The following EXPH5 variants were observed in gnomAD, a reference collection of about 807,000 sequenced individuals.
EXPH5 encodes the protein exophilin-5.
Under a neutral mutation model 41.1 loss-of-function variants are expected in EXPH5, and 42 were observed. That is an observed-to-expected ratio of 1.02 (90% CI 0.80 to 1.32). EXPH5 has a LOEUF of 1.32. Ranked by LOEUF, EXPH5 falls within the 40% of genes most tolerant of loss-of-function variation. EXPH5 has a pLI of 0.00. For missense variants in EXPH5, 2,298 were observed against 2,314.5 expected (o/e 0.99, Z 0.15); for synonymous variants, 798 against 833.5 (o/e 0.96, Z 0.73).
intron 4 of EXPH5, among the ~76,000 whole-genome samples, chr11:108,522,639 C>A (rs1342029396): frequency 6.6e-6 from 1 of 152,140 alleles, no homozygotes; most frequent in Non-Finnish European, 1.5e-5. Context: ...AAACACAGGT[C>A]ATAGAGCTTC....
chr11:108,551,419 CA>C (rs2136057478), intron 1 of EXPH5, among the ~76,000 whole-genome samples: 1 of 152,292 alleles, frequency 6.6e-6, no homozygotes, highest in Admixed American at 6.5e-5. Context: ...AGAAAAATCT[CA>C]AATGTTTCTC....
At chr11:108,586,171 A>G (rs1312798124) in intron 1 of EXPH5, among the ~76,000 whole-genome samples, 1 of 151,902 alleles carries the variant, frequency 6.6e-6, no homozygotes, top group African/African-American at 2.4e-5. Flanking sequence ...CCTGGCCAAC[A>G]TGGCGAAACC....
Position 108,513,629 on chromosome 11 carries a change from T to G in EXPH5, c.1878A>C (p.Ser626=). The change falls in exon 6 of 6, where the codon TCA becomes TCC. Residue 626 remains serine (S), a synonymous_variant. Transcript: ENST00000265843. ...SFGIAQTLAS[S]FKTSFSQISD... is the part of the protein sequence containing the mutation. ...AAATCTGGGAAAAGGAAGTTTTGAA[T>G]GAGGATGCTAGAGTCTGAGCAATTC... 6.2e-7 allele frequency: 1 copy of G among 1,612,972 alleles called. No individual in the cohort carries two copies. The highest frequency in any genetic ancestry group is 8.5e-7 in the Non-Finnish European group (1 of 1,179,532).
chr11:108,547,392 TAC>T (rs915868638), intron 1 of EXPH5, among the ~76,000 whole-genome samples: 6 of 152,156 alleles, frequency 3.9e-5, no homozygotes, highest in African/African-American at 1.4e-4. Flanking sequence ...TGGAGATCTC[TAC>T]AAAAGTAGAG....
At chr11:108,560,565 A>T (rs1193584380) in intron 1 of EXPH5, among the ~76,000 whole-genome samples, 4 of 152,230 alleles carry the variant, frequency 2.6e-5, no homozygotes, top group African/African-American at 9.7e-5. Context: ...CATTAGAATG[A>T]TTATTCTGCC....
chr11:108,600,982 A>C, the EXPH5 span, among the ~76,000 whole-genome samples: 1 of 152,218 alleles, frequency 6.6e-6, no homozygotes, highest in African/African-American at 2.4e-5. Flanking sequence ...TGCCTTAAGA[A>C]GCATGCTAAG....
chr11:108,599,936 T>G, the EXPH5 span, among the ~76,000 whole-genome samples: 106 of 152,328 alleles, frequency 7.0e-4, 3 homozygotes, highest in African/African-American at 2.4e-3. Context: ...ACTCACTTCT[T>G]CATAAGCAAA....
intron 1 of EXPH5, among the ~76,000 whole-genome samples, chr11:108,577,077 T>C (rs2094082259): frequency 6.6e-6 from 1 of 152,262 alleles, no homozygotes; most frequent in Non-Finnish European, 1.5e-5. Flanking sequence ...TCCTTTTCTA[T>C]GGCTGAATAA....
upstream of EXPH5, among the ~76,000 whole-genome samples, chr11:108,596,485 A>G (rs1213760269): frequency 1.3e-5 from 2 of 152,218 alleles, no homozygotes; most frequent in Non-Finnish European, 2.9e-5. Context: ...TGATAGTATG[A>G]GAAACAAGGT....
rs761097890 is a variant in EXPH5 at position 108,593,425 on chromosome 11, T to C, written c.112A>G (p.Arg38Gly). 3.1e-6 allele frequency: 5 copies of C among 1,613,392 alleles called. No homozygotes were observed. Among genetic ancestry groups the C allele is most frequent in the Non-Finnish European group, 4.2e-6 (5 of 1,179,368 alleles). ...AATGAATTTGCTCTGTACCTGATCC[T>C]GTCCTTCTCGGCCCTCTGTAACTCC... The part of the protein sequence containing the change: ...NEELQRAEKD[R>G]ISKLQKTKRD... Residue 38 changes from arginine (R) to glycine (G), a missense_variant, in exon 1 of 6, where the codon AGG (arginine) becomes GGG (glycine). Coordinates refer to ENST00000265843, the MANE Select transcript of EXPH5 (RefSeq NM_015065.3).
At chr11:108,585,454 C>T (rs2094110387) in intron 1 of EXPH5, among the ~76,000 whole-genome samples, 2 of 152,122 alleles carry the variant, frequency 1.3e-5, no homozygotes, top group African/African-American at 4.8e-5. Context: ...CTTTTTGCCC[C>T]TTCTACCATG....
At position 108,510,475 on chromosome 11, in the gene EXPH5, G is replaced by A. The variant is rs1166133667; in HGVS notation, c.5032C>T (p.Leu1678=). 4.3e-6 allele frequency: 7 copies of A among 1,614,158 alleles called. No individual in the cohort carries two copies. Among genetic ancestry groups the A allele is most frequent in the Non-Finnish European group, 5.9e-6 (7 of 1,180,034 alleles). Residue 1678 remains leucine (L), a synonymous_variant, in exon 6 of 6, where the codon CTA becomes TTA. Coordinates refer to ENST00000265843, the MANE Select transcript of EXPH5 (RefSeq NM_015065.3). Reference sequence around the variant, plus strand: ...TGTGTAGAAGGTTCTCTGTTGGGTAGTACAGTAATGGGGAGAAGGTTCTCG... The same window carrying A: ...TGTGTAGAAGGTTCTCTGTTGGGTAATACAGTAATGGGGAGAAGGTTCTCG... ...KSENLLPITV[L]PNREPSTHVS... is the part of the protein sequence containing the mutation.
chr11:108,527,115 T>C (rs1276334977), intron 4 of EXPH5, among the ~76,000 whole-genome samples: 1 of 151,306 alleles, frequency 6.6e-6, no homozygotes, highest in Non-Finnish European at 1.5e-5. Flanking sequence ...AGGCCAGGAG[T>C]TCAAAACCAG....
intron 1 of EXPH5, among the ~76,000 whole-genome samples, chr11:108,571,349 G>A (rs781501613): frequency 1.6e-4 from 24 of 152,318 alleles, no homozygotes; most frequent in Middle Eastern, 3.4e-3. Context: ...GTGAGGAGGG[G>A]TGTTGCTGAG....
At chr11:108,524,894 G>A (rs2093787906) in intron 4 of EXPH5, among the ~76,000 whole-genome samples, 1 of 152,168 alleles carries the variant, frequency 6.6e-6, no homozygotes, top group Non-Finnish European at 1.5e-5. Flanking sequence ...GGGATACACA[G>A]CCTGATATGG....
intron 3 of EXPH5, among the ~76,000 whole-genome samples, chr11:108,536,703 AATG>A (rs1262308467): frequency 3.3e-5 from 5 of 152,316 alleles, no homozygotes; most frequent in African/African-American, 9.6e-5. Context: ...AATCTGGTGA[AATG>A]ATGAAGTCCA....
intron 3 of EXPH5, among the ~76,000 whole-genome samples, chr11:108,532,950 G>A (rs949588691): frequency 1.3e-5 from 2 of 152,100 alleles, no homozygotes; most frequent in Admixed American, 1.3e-4. Flanking sequence ...CTTCCTTCTT[G>A]TTGTCCTCAC....
At chr11:108,536,532 C>T (rs561740657) in intron 3 of EXPH5, among the ~76,000 whole-genome samples, 9 of 152,116 alleles carry the variant, frequency 5.9e-5, no homozygotes, top group Admixed American at 1.3e-4. Context: ...CCCAAAGTGC[C>T]GGGATTACAG....
chr11:108,579,678 G>T (rs2094091707), intron 1 of EXPH5, among the ~76,000 whole-genome samples: 1 of 152,140 alleles, frequency 6.6e-6, no homozygotes. Flanking sequence ...GTAAATTGTA[G>T]TAGGCAAATT....
Sources: allele counts gnomAD v4.1 joint callset (sites outside exome capture counted in the v4.1 genomes callset), GRCh38; gene constraint gnomAD v4.1.1; transcripts MANE v1.5; gene names NCBI Gene and HGNC (gene_info 2026-07-23, HGNC 2026-07-21).